Variants in CMC1 observed in about 807,000 individuals in gnomAD.
CMC1 encodes COX assembly mitochondrial protein homolog.
CMC1 carries 14 observed loss-of-function variants against 14.1 expected under a neutral mutation model. The ratio of observed to expected loss-of-function variants is 0.99; its 90% CI spans 0.66 to 1.55. CMC1 has a LOEUF of 1.55. Ranked by LOEUF, CMC1 falls within the 40% of genes most tolerant of loss-of-function variation. The pLI, the probability that CMC1 is intolerant of heterozygous loss-of-function variation, is 0.00. For synonymous variants in CMC1, 50 were observed against 38.4 expected (o/e 1.30, Z -1.12); for missense variants, 127 against 123.8 (o/e 1.03, Z -0.12).
intron 1 of CMC1, among the ~76,000 whole-genome samples, chr3:28,248,842 T>G (rs1212132781): frequency 6.6e-6 from 1 of 152,170 alleles, no homozygotes; most frequent in Non-Finnish European, 1.5e-5. Flanking sequence ...CAGGCTGGAG[T>G]GCAGTGGCGT....
At chr3:28,305,779 A>ATTTTTTTTTTTT (rs71087685) in intron 2 of CMC1, among the ~76,000 whole-genome samples, 5 of 43,534 alleles carry the variant, frequency 1.1e-4, no homozygotes, top group African/African-American at 5.6e-4. Context: ...TTTCATAGGA[A>ATTTTTTTTTTTT]TTTTTTTTTT....
chr3:28,249,881 ACT>A (rs1699039031), intron 1 of CMC1, among the ~76,000 whole-genome samples: 1 of 151,702 alleles, frequency 6.6e-6, no homozygotes, highest in South Asian at 2.1e-4. Context: ...GCTGACAAGG[ACT>A]CTCTTCCTGA....
chr3:28,255,168 A>G (rs763449056), intron 1 of CMC1, among the ~76,000 whole-genome samples: 36 of 150,210 alleles, frequency 2.4e-4, no homozygotes, highest in Middle Eastern at 3.6e-3. Flanking sequence ...AGCTTATAGG[A>G]CCTCCCTCTG....
intron 1 of CMC1, among the ~76,000 whole-genome samples, chr3:28,244,065 A>G (rs760530527): frequency 7.9e-5 from 12 of 152,204 alleles, no homozygotes; most frequent in Non-Finnish European, 1.2e-4. Context: ...TCCATAAGGA[A>G]AGATATTGGG....
intron 2 of CMC1, among the ~76,000 whole-genome samples, chr3:28,309,983 ACACACACG>A (rs1460069548): frequency 1.4e-5 from 2 of 142,718 alleles, no homozygotes; most frequent in African/African-American, 2.6e-5. Flanking sequence ...ACACACACAC[ACACACACG>A]CTAATAGCAA....
chr3:28,270,529 AT>A (rs1311274915), intron 2 of CMC1, among the ~76,000 whole-genome samples: 4 of 151,864 alleles, frequency 2.6e-5, no homozygotes, highest in Non-Finnish European at 2.9e-5. Context: ...GCTTTTTTTC[AT>A]GTTTGTTGGT....
chr3:28,256,132 AG>A (rs1699392500), intron 1 of CMC1, among the ~76,000 whole-genome samples: 2 of 152,186 alleles, frequency 1.3e-5, no homozygotes, highest in African/African-American at 4.8e-5. Flanking sequence ...AATCAGTAGG[AG>A]AAAAAACATA....
intron 2 of CMC1, among the ~76,000 whole-genome samples, chr3:28,268,177 A>G (rs1181393192): frequency 3.9e-5 from 6 of 152,234 alleles, no homozygotes; most frequent in Admixed American, 3.9e-4. Flanking sequence ...ATGGGTTCCC[A>G]ATCACCATTG....
intron 1 of CMC1, among the ~76,000 whole-genome samples, chr3:28,255,390 G>A (rs952064544): frequency 1.3e-5 from 2 of 151,806 alleles, no homozygotes; most frequent in East Asian, 1.9e-4. Flanking sequence ...ATAGATGCGC[G>A]CCACCATGCC....
At chr3:28,319,349 T>C in intron 3 of CMC1, 160 bp from the exon 4 acceptor site, 1 of 705,758 alleles carries the variant, frequency 1.4e-6, no homozygotes, top group Admixed American at 2.0e-5. Context: ...TTTAGTTTGG[T>C]AGCATAAAGT....
chr3:28,263,379 A>G lies in CMC1; in HGVS notation c.108A>G (p.Gln36=). The G allele has an allele frequency of 6.4e-7, 1 of 1,568,910 alleles. No individual in the cohort carries two copies. The highest frequency in any genetic ancestry group is 8.7e-7 in the Non-Finnish European group (1 of 1,149,564). The part of the protein sequence containing the change: ...KAKERCSEQV[Q]DFTKCCKNSG... ...AAGAGAGGTGTTCTGAACAAGTTCA[A>G]GGTAACATTCAAATATTCATGTAAA... Residue 36 remains glutamine (Q), a splice_region_variant and synonymous_variant, in exon 2 of 4, where the codon CAA becomes CAG. Transcript: ENST00000466830.
Position 28,324,374 on chromosome 3 carries a change from T to G in CMC1, c.*4745T>G, listed in dbSNP as rs182611602. ...TTTGGTAAGAGAGGGGGATGTCTTG[T>G]GTATGTTGCAGTAAAATTCATCAAG... On this transcript the variant is annotated 3_prime_UTR_variant, in exon 4 of 4. Coordinates refer to ENST00000466830, the MANE Select transcript of CMC1 (RefSeq NM_182523.2). The G allele has an allele frequency of 5.7e-6, 9 of 1,576,508 alleles. No homozygotes were observed. Among genetic ancestry groups the G allele is most frequent in the Non-Finnish European group, 6.9e-6 (8 of 1,160,900 alleles).
intron 2 of CMC1, among the ~76,000 whole-genome samples, chr3:28,268,671 C>T (rs1272467409): frequency 6.6e-6 from 1 of 152,194 alleles, no homozygotes; most frequent in Non-Finnish European, 1.5e-5. Flanking sequence ...ATCTTGCAAG[C>T]AAGCCTTTTA....
chr3:28,273,397 T>C (rs1700399083), intron 2 of CMC1, among the ~76,000 whole-genome samples: 2 of 152,188 alleles, frequency 1.3e-5, no homozygotes, highest in Non-Finnish European at 2.9e-5. Flanking sequence ...TTTAGTTGTG[T>C]GGTTTTTAGT....
chr3:28,300,811 T>C (rs1410972472), intron 2 of CMC1, among the ~76,000 whole-genome samples: 1 of 151,130 alleles, frequency 6.6e-6, no homozygotes, highest in Non-Finnish European at 1.5e-5. Context: ...AATACAAATG[T>C]GTTTTTTTCA....
intron 2 of CMC1, among the ~76,000 whole-genome samples, chr3:28,277,429 C>G (rs1345352348): frequency 6.6e-6 from 1 of 152,078 alleles, no homozygotes; most frequent in Non-Finnish European, 1.5e-5. Flanking sequence ...TTATTATTCC[C>G]TGTATGTCAG....
intron 2 of CMC1, among the ~76,000 whole-genome samples, chr3:28,292,201 A>G (rs560211157): frequency 1.4e-4 from 22 of 152,222 alleles, no homozygotes; most frequent in Non-Finnish European, 1.8e-4. Flanking sequence ...TGAAATTTAT[A>G]GTATAATACT....
At chr3:28,292,205 T>TTTGA (rs1242801750) in intron 2 of CMC1, among the ~76,000 whole-genome samples, 1 of 152,158 alleles carries the variant, frequency 6.6e-6, no homozygotes, top group African/African-American at 2.4e-5. Context: ...ATTTATAGTA[T>TTTGA]AATACTATCA....
At chr3:28,303,650 A>G (rs1702167240) in intron 2 of CMC1, among the ~76,000 whole-genome samples, 1 of 152,118 alleles carries the variant, frequency 6.6e-6, no homozygotes, top group Non-Finnish European at 1.5e-5. Context: ...TTAGCAACAT[A>G]TTTTAAAATA....
Sources: allele counts gnomAD v4.1 joint callset (sites outside exome capture counted in the v4.1 genomes callset), GRCh38; gene constraint gnomAD v4.1.1; transcripts MANE v1.5; gene names NCBI Gene and HGNC (gene_info 2026-07-23, HGNC 2026-07-21).